Variants in DLX6 observed in about 807,000 individuals in gnomAD.
DLX6 encodes the protein distal-less homeobox 6, also known as homeobox protein DLX-6.
In DLX6, 4 loss-of-function variants were observed where a neutral mutation model predicts 33.5. The observed-to-expected ratio is 0.12, with a 90% confidence interval of 0.06 to 0.27. The LOEUF (loss-of-function observed/expected upper bound fraction) is 0.27. Among genes scored for constraint, DLX6 ranks in the 10% least tolerant of loss-of-function variants. DLX6 has a pLI of 1.00. For synonymous variants in DLX6, 184 were observed against 164.8 expected, an observed-to-expected ratio of 1.12 and a Z score of -0.89; for missense variants, 382 against 393.3, an observed-to-expected ratio of 0.97 and a Z score of 0.24.
chr7:97,010,087 G>A lies in DLX6; in HGVS notation c.*40G>A. On this transcript the variant is annotated 3_prime_UTR_variant, in exon 3 of 3. Transcript: ENST00000518156. Reference sequence around the variant, plus strand: ...CACCCTAGGGAAACGTCTGAACAAGGAAAAGAGGATCCGGGACCTGCTTGT... The same window carrying A: ...CACCCTAGGGAAACGTCTGAACAAGAAAAAGAGGATCCGGGACCTGCTTGT... 6.4e-7 allele frequency: 1 copy of A among 1,554,242 alleles called. No individual in the cohort carries two copies. Among genetic ancestry groups the A allele is most frequent in the Non-Finnish European group, 8.7e-7 (1 of 1,147,646 alleles).
chr7:97,007,246 C>A, intron 1 of DLX6: 1 of 502,152 alleles, frequency 2.0e-6, no homozygotes, highest in South Asian at 2.8e-5. Flanking sequence ...CGCGTAAACA[C>A]CTGGGTGGCT....
Position 97,006,401 on chromosome 7 carries a change from G to C in DLX6, c.424G>C (p.Gly142Arg), listed in dbSNP as rs751660115. The C allele has an allele frequency of 4.2e-6, 6 of 1,418,982 alleles. No individual in the cohort carries two copies. Among genetic ancestry groups the C allele is most frequent in the Non-Finnish European group, 5.6e-6 (6 of 1,073,854 alleles). The allele number at this position is 1,418,982 out of a possible 1,614,324, so 87.9% of individuals were successfully genotyped here. ...CAGCAGCGCAGCCGCCCAGACGCGA[G>C]GGGACGACACAGGTGAGAGGCCGCT... The part of the protein sequence containing the change: ...HNSSAAAQTR[G>R]DDTDQQKTTV... The change falls in exon 1 of 3, where the codon GGG (glycine) becomes CGG (arginine). Residue 142 changes from glycine to arginine, a missense_variant. Transcript: ENST00000518156.
Position 97,010,271 on chromosome 7 carries a change from CCTTT to C in DLX6, c.*229_*232del. 1 of 521,500 alleles carries C rather than the reference CCTTT, an allele frequency of 1.9e-6. No individual in the cohort carries two copies. Among genetic ancestry groups the C allele is most frequent in the Non-Finnish European group, 3.3e-6 (1 of 304,224 alleles). The allele number at this position is 521,500 out of a possible 1,614,324, so 32.3% of individuals were successfully genotyped here. On this transcript the variant is annotated 3_prime_UTR_variant, in exon 3 of 3. Coordinates refer to ENST00000518156, the MANE Select transcript of DLX6 (RefSeq NM_005222.4). ...CTTCTTTCTTTCCTTTTCCTTTCTA[CCTTT>C]CTTTTCTTTTTGCCTTTCACCTTTT...
rs1789785438 is a variant in DLX6, at chr7:97,008,592, C to G, written c.630+761C>G. Among the ~76,000 whole-genome samples, 3 of 152,290 alleles carry G rather than the reference C, an allele frequency of 2.0e-5. No individual in the cohort carries two copies. In the South Asian group the frequency reaches 6.2e-4, roughly 32 times the overall value. ...GCCATAGAAGGCATTTCAGATTTCA[C>G]AAGAAGGAGCTTAGGTGAGTATATT... On this transcript the variant is annotated intron_variant, in intron 2 of 2. Coordinates refer to ENST00000518156, the MANE Select transcript of DLX6 (RefSeq NM_005222.4).
chr7:97,007,435 G>C, intron 1 of DLX6: 4 of 625,220 alleles, frequency 6.4e-6, no homozygotes, highest in Admixed American at 2.6e-5. Context: ...CACATTGTTC[G>C]GGCCAGGGAC....
chr7:97,006,513 C>T, intron 1 of DLX6, 100 bp downstream of exon 1: 11 of 1,193,408 alleles, frequency 9.2e-6, no homozygotes, highest in Non-Finnish European at 1.2e-5. Context: ...CGCCGGCCCC[C>T]TCCCCCAGGC....
At chr7:97,006,566 C>A in intron 1 of DLX6, 153 bp downstream of exon 1, 1 of 693,420 alleles carries the variant, frequency 1.4e-6, no homozygotes, top group Non-Finnish European at 1.9e-6. Context: ...CGCCCGCTCG[C>A]CTGGCGCCTG....
intron 1 of DLX6, chr7:97,007,412 G>C (rs1298556784): frequency 3.3e-6 from 2 of 610,024 alleles, no homozygotes; most frequent in Middle Eastern, 8.6e-4. Flanking sequence ...GCGCTCCCTT[G>C]GCCCAGACGC....
rs1562791386 is a variant in DLX6 at position 97,006,253 on chromosome 7, GCAC to G, written c.286_288del (p.His96del). On this transcript the variant is annotated inframe_deletion, in exon 1 of 3. Transcript: ENST00000518156. ...GCTCGCACCACCACCACCACCACCAGCACCACCACCACGGCTCGCCCTACGCGT... is the reference window on the plus strand; with the variant it reads ...GCTCGCACCACCACCACCACCACCAGCACCACCACGGCTCGCCCTACGCGT... 3.3e-6 allele frequency: 5 copies of G among 1,524,642 alleles called. No homozygotes were observed. Among genetic ancestry groups the G allele is most frequent in the East Asian group, 5.3e-5 (2 of 37,904 alleles). The allele number at this position is 1,524,642 out of a possible 1,614,324, so 94.4% of individuals were successfully genotyped here. A position where few individuals can be genotyped will look rare whatever the true frequency, so the allele number is the denominator to read the frequency against.
rs1367857002 is a variant in DLX6 at position 97,006,413 on chromosome 7, G to GGTGAGA, written c.436+2_436+7dup. 1 of 1,351,628 alleles carries GGTGAGA rather than the reference G, an allele frequency of 7.4e-7. No homozygotes were observed. Among genetic ancestry groups the GGTGAGA allele is most frequent in the Admixed American group, 2.8e-5 (1 of 35,724 alleles). The allele number at this position is 1,351,628 out of a possible 1,614,324, so 83.7% of individuals were successfully genotyped here. On this transcript the variant is annotated protein_altering_variant and splice_region_variant. Transcript: ENST00000518156. ...CGCCCAGACGCGAGGGGACGACACA[G>GGTGAGA]GTGAGAGGCCGCTGGGGCAGCTCGC...
At chr7:97,008,168 C>T (rs1401664801) in intron 2 of DLX6, among the ~76,000 whole-genome samples, 1 of 152,156 alleles carries the variant, frequency 6.6e-6, no homozygotes, top group African/African-American at 2.4e-5. Flanking sequence ...AAAAGGTGTA[C>T]AAGCCAGGAG....
rs1491244327 is a variant in DLX6 at position 97,006,104 on chromosome 7, CAA to C, written c.128_129del (p.Gln43ProfsTer111). On this transcript the variant is annotated frameshift_variant, in exon 1 of 3. Coordinates refer to ENST00000518156, the MANE Select transcript of DLX6 (RefSeq NM_005222.4). LOFTEE classifies it high-confidence loss of function. ...GCAGCAGCAGCAGCAGCAGCAACAG[CAA>C]CAGCCGCCGCCGCCGCCGCCGCCGC... ...QQQQQQQQQQ[Q>X]QPPPPPPPPP... is the part of the protein sequence containing the mutation. The C allele has an allele frequency of 1.3e-4, 195 of 1,547,384 alleles. No homozygotes were observed. Among genetic ancestry groups the C allele is most frequent in the East Asian group, 1.2e-3 (47 of 40,836 alleles).
In DLX6 at chr7:97,010,207, TCC is replaced by T; in HGVS notation, c.*162_*163del. On this transcript the variant is annotated 3_prime_UTR_variant, in exon 3 of 3. Transcript: ENST00000518156. ...CATTCTCTCTCCCTCTCTCTCTCTC[TCC>T]CTCTCCTTTCTTTTTACTTCTTCCT... 26 of 691,890 alleles carry T rather than the reference TCC, an allele frequency of 3.8e-5. No individual in the cohort carries two copies. The highest frequency in any genetic ancestry group is 1.1e-4 in the South Asian group (4 of 36,810). The allele number at this position is 691,890 out of a possible 1,614,324, so 42.9% of individuals were successfully genotyped here. A position where few individuals can be genotyped will look rare whatever the true frequency, so the allele number is the denominator to read the frequency against.
At position 97,006,102 on chromosome 7, in the gene DLX6, AGCAACAGCCGCCGCC is replaced by A; in HGVS notation, c.128_142del (p.Gln43_Pro47del). 1 of 1,551,442 alleles carries A rather than the reference AGCAACAGCCGCCGCC, an allele frequency of 6.4e-7. No homozygotes were observed. The highest frequency in any genetic ancestry group is 8.7e-7 in the Non-Finnish European group (1 of 1,148,508). On this transcript the variant is annotated inframe_deletion, in exon 1 of 3. Transcript: ENST00000518156. ...CAGCAGCAGCAGCAGCAGCAGCAAC[AGCAACAGCCGCCGCC>A]GCCGCCGCCGCCGCCGCCGCAGCCG...
rs1789819071 is a variant in DLX6 at position 97,010,232 on chromosome 7, C to CCTTTCCTCCATTCCTTCTTT, written c.*193_*212dup. The CCTTTCCTCCATTCCTTCTTT allele has an allele frequency of 5.1e-6, 3 of 592,382 alleles. No individual in the cohort carries two copies. The South Asian group carries it at 9.1e-5, about 18-fold the overall frequency. 36.7% of individuals were successfully genotyped at this position (592,382 alleles called of 1,614,324 possible). A position where few individuals can be genotyped will look rare whatever the true frequency, so the allele number is the denominator to read the frequency against. On this transcript the variant is annotated 3_prime_UTR_variant, in exon 3 of 3. Coordinates refer to ENST00000518156, the MANE Select transcript of DLX6 (RefSeq NM_005222.4). The stretch of plus-strand genomic sequence containing the variant: ...TCCCTCTCCTTTCTTTTTACTTCTT[C>CCTTTCCTCCATTCCTTCTTT]CTTTCCTCCATTCCTTCTTTCTTTC...
rs1789719858 is a variant in DLX6, at chr7:97,006,132, C to CGCA, written c.157_158insAGC (p.Pro52_Pro53insGln). On this transcript the variant is annotated inframe_insertion, in exon 1 of 3. Coordinates refer to ENST00000518156, the MANE Select transcript of DLX6 (RefSeq NM_005222.4). Reference sequence around the variant, plus strand: ...CAGCCGCCGCCGCCGCCGCCGCCGCCGCCGCAGCCGCACTCGCAGCAGAGC... The same window carrying CGCA: ...CAGCCGCCGCCGCCGCCGCCGCCGCCGCAGCCGCAGCCGCACTCGCAGCAGAGC... 15 of 1,538,882 alleles carry CGCA rather than the reference C, an allele frequency of 9.7e-6. No homozygotes were observed. Among genetic ancestry groups the CGCA allele is most frequent in the East Asian group, 7.4e-5 (3 of 40,620 alleles).
intron 1 of DLX6, 106 bp downstream of exon 1, chr7:97,006,519 C>A (rs1463430678): frequency 1.5e-5 from 18 of 1,172,018 alleles, no homozygotes; most frequent in African/African-American, 1.1e-4. Context: ...CCCCCTCCCC[C>A]AGGCGGCCCC....
intron 1 of DLX6, 84 bp downstream of exon 1, chr7:97,006,497 G>C: frequency 6.6e-6 from 8 of 1,218,794 alleles, no homozygotes; most frequent in East Asian, 6.4e-5. Flanking sequence ...TCGACGCCCG[G>C]GCCTCCGCCG....
chr7:97,010,135 AG>A lies in DLX6; in HGVS notation c.*89del. ...TGTATCTGCGAAAAGGAGCCAAAGGAGCAGGCTTAGGAGAGCTCATAAGTGT... is the reference window on the plus strand; with the variant it reads ...TGTATCTGCGAAAAGGAGCCAAAGGACAGGCTTAGGAGAGCTCATAAGTGT... On this transcript the variant is annotated 3_prime_UTR_variant, in exon 3 of 3. Transcript: ENST00000518156. 1 of 1,492,782 alleles carries A rather than the reference AG, an allele frequency of 6.7e-7. No individual in the cohort carries two copies. Among genetic ancestry groups the A allele is most frequent in the Admixed American group, 2.1e-5 (1 of 48,358 alleles). 92.5% of individuals were successfully genotyped at this position (1,492,782 alleles called of 1,614,324 possible).
Sources: gnomAD v4.1 joint callset for allele counts (sites outside exome capture counted in the v4.1 genomes callset) on GRCh38, gnomAD v4.1.1 for gene constraint, MANE v1.5 for transcripts, NCBI Gene and HGNC (gene_info 2026-07-23, HGNC 2026-07-21) for gene names.